VSTM4: variants seen among roughly 807,000 people sequenced by gnomAD.
The protein encoded by VSTM4 is V-set and transmembrane domain containing 4.
VSTM4 carries 20 observed loss-of-function variants against 36.4 expected under a neutral mutation model. The observed-to-expected ratio is 0.55, with a 90% CI of 0.39 to 0.80. The LOEUF is 0.80. Ranked by LOEUF, VSTM4 falls within the 30% of genes least tolerant of loss-of-function variation. The probability of loss-of-function intolerance (pLI) is 0.00; values close to 1 mark genes in which losing one functional copy is unlikely to be tolerated. For missense variants in VSTM4, 392 were observed against 404.5 expected (o/e 0.97, Z 0.26); for synonymous variants, 182 against 173.9 (o/e 1.05, Z -0.37).
At chr10:49,092,771 C>T (rs995863063) in intron 2 of VSTM4, among the ~76,000 whole-genome samples, 8 of 152,132 alleles carry the variant, frequency 5.3e-5, no homozygotes, top group African/African-American at 1.7e-4. Context: ...CAGAGACAGA[C>T]GCAGTCAGAC....
intron 3 of VSTM4, among the ~76,000 whole-genome samples, chr10:49,081,863 G>A (rs921907926): frequency 1.3e-5 from 2 of 152,218 alleles, no homozygotes; most frequent in Admixed American, 1.3e-4. Context: ...CCTTGCAGGA[G>A]AAGAAAAGCT....
intron 2 of VSTM4, among the ~76,000 whole-genome samples, chr10:49,094,976 GA>G (rs776322816): frequency 4.5e-4 from 69 of 152,296 alleles, no homozygotes; most frequent in Admixed American, 1.7e-3. Context: ...AGCAGCCGAT[GA>G]GAAACAATGA....
At chr10:49,092,561 A>C (rs1215341183) in intron 2 of VSTM4, among the ~76,000 whole-genome samples, 1 of 152,122 alleles carries the variant, frequency 6.6e-6, no homozygotes, top group African/African-American at 2.4e-5. Context: ...CTGGGAAGAG[A>C]AGAGTATGGT....
In VSTM4 at chr10:49,102,789, T is replaced by C. The variant is rs146935857; in HGVS notation, c.457+4805A>G. The C allele has an allele frequency of 1.5e-5, 15 of 981,084 alleles. No individual in the cohort carries two copies. The African/African-American group carries it at 2.1e-4, about 14-fold the overall frequency. The allele number at this position is 981,084 out of a possible 1,614,324, so 60.8% of individuals were successfully genotyped here. ...ATTTTATTCATTCATCAAGTATCTA[T>C]TGAGGATCAACTGTGTACCAGGCAC... On this transcript the variant is annotated intron_variant, in intron 2 of 7. Transcript: ENST00000332853.
chr10:49,086,966 A>C (rs4129035), intron 2 of VSTM4, among the ~76,000 whole-genome samples: 67,212 of 152,180 alleles, frequency 0.44, 16,359 homozygotes, highest in African/African-American at 0.65. Context: ...AGAATCAACA[A>C]AAGAGACAAG....
intron 2 of VSTM4, among the ~76,000 whole-genome samples, chr10:49,090,323 G>A (rs144472196): frequency 3.3e-5 from 5 of 152,318 alleles, no homozygotes; most frequent in Middle Eastern, 3.4e-3. Flanking sequence ...GATGACAACA[G>A]CCTCTTGTAC....
intron 7 of VSTM4, among the ~76,000 whole-genome samples, chr10:49,025,590 C>A (rs1360961073): frequency 6.6e-6 from 1 of 152,240 alleles, no homozygotes; most frequent in African/African-American, 2.4e-5. Flanking sequence ...TGGCAGCCCA[C>A]ACAAACCTCC....
At chr10:49,107,451 C>G in intron 2 of VSTM4, 143 bp downstream of exon 2, 1 of 1,059,048 alleles carries the variant, frequency 9.4e-7, no homozygotes, top group Non-Finnish European at 1.3e-6. Flanking sequence ...CATGGCATGA[C>G]TCATGTCTGT....
At chr10:49,085,904 A>G in intron 3 of VSTM4, 51 bp downstream of exon 3, 1 of 1,229,382 alleles carries the variant, frequency 8.1e-7, no homozygotes. Context: ...AAAAAAAGAA[A>G]AAGAAAAAGC....
At chr10:49,110,354 T>C (rs1844870334) in intron 1 of VSTM4, among the ~76,000 whole-genome samples, 1 of 152,200 alleles carries the variant, frequency 6.6e-6, no homozygotes, top group Non-Finnish European at 1.5e-5. Flanking sequence ...CTTCCACTTC[T>C]GTGGCTCAGG....
intron 5 of VSTM4, among the ~76,000 whole-genome samples, chr10:49,062,861 C>T (rs974578946): frequency 1.3e-5 from 2 of 152,150 alleles, no homozygotes; most frequent in Non-Finnish European, 2.9e-5. Context: ...CACAAACTAT[C>T]CACTGACATC....
chr10:49,022,303 A>C (rs902681763), intron 7 of VSTM4, among the ~76,000 whole-genome samples: 2 of 152,082 alleles, frequency 1.3e-5, no homozygotes, highest in East Asian at 3.9e-4. Context: ...GGACTTTTTA[A>C]AAAAAGTTTG....
In VSTM4 at chr10:49,016,100, TGG is replaced by T. The variant is rs1459218384; in HGVS notation, c.*3548_*3549del. The T allele has an allele frequency of 6.9e-6, 1 of 144,790 alleles. No homozygotes were observed. The highest frequency in any genetic ancestry group is 1.5e-5 in the Non-Finnish European group (1 of 65,790). 9.0% of individuals were successfully genotyped at this position (144,790 alleles called of 1,614,324 possible). A position where few individuals can be genotyped will look rare whatever the true frequency, so the allele number is the denominator to read the frequency against. ...CTGGGTGTGACCTAATTGGGCACCC[TGG>T]GTACTGATATCAGTATTTTGTTTGT... On this transcript the variant is annotated 3_prime_UTR_variant, in exon 8 of 8. Transcript: ENST00000332853.
intron 5 of VSTM4, among the ~76,000 whole-genome samples, chr10:49,057,981 T>C (rs1330241380): frequency 6.6e-6 from 1 of 152,190 alleles, no homozygotes; most frequent in Non-Finnish European, 1.5e-5. Flanking sequence ...AATCTGACCC[T>C]ACAACTGATC....
chr10:49,049,926 G>C (rs1843672022), intron 5 of VSTM4, among the ~76,000 whole-genome samples: 1 of 152,286 alleles, frequency 6.6e-6, no homozygotes, highest in Admixed American at 6.5e-5. Context: ...TAGACTCTTT[G>C]ACCTGGCAAT....
intron 7 of VSTM4, among the ~76,000 whole-genome samples, chr10:49,020,172 G>A (rs969013244): frequency 1.3e-5 from 2 of 152,254 alleles, no homozygotes; most frequent in South Asian, 2.1e-4. Context: ...ACACTAGAAC[G>A]CCACCACTTA....
intron 3 of VSTM4, among the ~76,000 whole-genome samples, chr10:49,083,749 G>A (rs969192186): frequency 6.6e-6 from 1 of 152,194 alleles, no homozygotes; most frequent in African/African-American, 2.4e-5. Context: ...TTTCAGAAAT[G>A]CTGATTATGC....
chr10:49,103,698 C>A (rs997951946), intron 2 of VSTM4: 2 of 1,606,402 alleles, frequency 1.2e-6, no homozygotes. Flanking sequence ...ACCAGCCTTT[C>A]TTTCTGGGAG....
intron 4 of VSTM4, among the ~76,000 whole-genome samples, chr10:49,065,913 T>C (rs1173406448): frequency 6.6e-6 from 1 of 151,934 alleles, no homozygotes; most frequent in African/African-American, 2.4e-5. Context: ...CTTTCTGTAT[T>C]CCATTTACCG....
Sources: gnomAD v4.1 joint callset for allele counts (sites outside exome capture counted in the v4.1 genomes callset) on GRCh38, gnomAD v4.1.1 for gene constraint, MANE v1.5 for transcripts, NCBI Gene and HGNC (gene_info 2026-07-23, HGNC 2026-07-21) for gene names.